Variants in HTR7 observed in about 807,000 individuals in gnomAD.
HTR7 encodes 5-hydroxytryptamine receptor 7.
A neutral mutation model predicts 34.0 loss-of-function variants in HTR7; 16 were observed. The observed-to-expected ratio is 0.47, with a 90% CI of 0.32 to 0.71. HTR7 has a LOEUF of 0.71. Among genes scored for constraint, HTR7 ranks in the 30% least tolerant of loss-of-function variants. HTR7 has a pLI of 0.04. For missense variants in HTR7, 504 were observed against 625.5 expected (o/e 0.81, Z 2.07); for synonymous variants, 265 against 260.2 (o/e 1.02, Z -0.18).
At chr10:90,775,771 C>T (rs769565150) in intron 1 of HTR7, among the ~76,000 whole-genome samples, 2 of 152,142 alleles carry the variant, frequency 1.3e-5, no homozygotes, top group Non-Finnish European at 2.9e-5. Context: ...AATTTTTCTT[C>T]AGTTACAAGA....
intron 1 of HTR7, among the ~76,000 whole-genome samples, chr10:90,762,616 T>C (rs1310415254): frequency 6.6e-6 from 1 of 152,214 alleles, no homozygotes; most frequent in Non-Finnish European, 1.5e-5. Flanking sequence ...TTTCCTTTTA[T>C]GTGAAGAAGG....
intron 2 of HTR7, chr10:90,744,003 A>G: frequency 2.0e-6 from 1 of 501,206 alleles, no homozygotes; most frequent in Non-Finnish European, 3.9e-6. Context: ...GAACAGTCTT[A>G]CAGGTTTGTA....
At chr10:90,818,135 A>G (rs1845924486) in intron 1 of HTR7, among the ~76,000 whole-genome samples, 2 of 152,196 alleles carry the variant, frequency 1.3e-5, no homozygotes, top group Admixed American at 6.5e-5. Flanking sequence ...TTAATCCCCA[A>G]CGCAACCATG....
chr10:90,843,413 G>A (rs761707586), intron 1 of HTR7, among the ~76,000 whole-genome samples: 4 of 152,178 alleles, frequency 2.6e-5, no homozygotes, highest in African/African-American at 4.8e-5. Context: ...AAAGTGCAAG[G>A]TGTTAAAAGA....
Position 90,742,541 on chromosome 10 carries a change from G to T in HTR7, c.1394-13C>A. ...GTCAGCATTTTGTCTAAAAAAAAGA[G>T]AGAGAAAAATAGAAAATAATTTAGT... On this transcript the variant is annotated splice_polypyrimidine_tract_variant and intron_variant, in intron 3 of 3. Coordinates refer to ENST00000336152, the MANE Select transcript of HTR7 (RefSeq NM_019859.4). The T allele has an allele frequency of 1.3e-6, 2 of 1,556,502 alleles. No individual in the cohort carries two copies. Among genetic ancestry groups the T allele is most frequent in the South Asian group, 1.1e-5 (1 of 88,784 alleles).
intron 1 of HTR7, among the ~76,000 whole-genome samples, chr10:90,751,161 T>C (rs1237085071): frequency 6.6e-6 from 1 of 152,026 alleles, no homozygotes; most frequent in Admixed American, 6.5e-5. Context: ...ATTTATCAGC[T>C]GTAGTTAGGA....
At chr10:90,809,764 G>C (rs1015988372) in intron 1 of HTR7, among the ~76,000 whole-genome samples, 1 of 152,182 alleles carries the variant, frequency 6.6e-6, no homozygotes, top group East Asian at 1.9e-4. Flanking sequence ...CCTAAGTCAC[G>C]TCCCATCTGT....
intron 1 of HTR7, among the ~76,000 whole-genome samples, chr10:90,834,577 A>C (rs1564698330): frequency 6.6e-6 from 1 of 152,176 alleles, no homozygotes; most frequent in Admixed American, 6.5e-5. Flanking sequence ...TGGTCAGGTG[A>C]TAGATCTGCT....
intron 1 of HTR7, among the ~76,000 whole-genome samples, chr10:90,784,576 C>T (rs1161068735): frequency 6.6e-6 from 1 of 152,080 alleles, no homozygotes; most frequent in African/African-American, 2.4e-5. Context: ...AAAACATTCA[C>T]CCAATATTAT....
chr10:90,854,322 C>T lies in HTR7; in HGVS notation c.539+2811G>A, dbSNP rs554703399. 2.6e-3 allele frequency among the ~76,000 whole-genome samples: 391 copies of T among 152,234 alleles called. 2 individuals carry two copies. The highest frequency in any genetic ancestry group is 2.3e-3 in the Non-Finnish European group (156 of 68,004). On this transcript the variant is annotated intron_variant, in intron 1 of 3. Coordinates refer to ENST00000336152, the MANE Select transcript of HTR7 (RefSeq NM_019859.4). The stretch of plus-strand genomic sequence containing the variant: ...TGAGCAGAGATGGCACCACTGCACT[C>T]CAGCCTGGGTAACAGAGTGAGATTC...
At chr10:90,806,724 G>A (rs1845712660) in intron 1 of HTR7, among the ~76,000 whole-genome samples, 1 of 152,164 alleles carries the variant, frequency 6.6e-6, no homozygotes. Context: ...AGATACATGA[G>A]GAAATGCAAA....
intron 1 of HTR7, among the ~76,000 whole-genome samples, chr10:90,843,240 C>T (rs1846357882): frequency 6.6e-6 from 1 of 152,070 alleles, no homozygotes. Context: ...TAACTGAACA[C>T]CTACCAAGTA....
chr10:90,761,576 G>T (rs1844935643), intron 1 of HTR7, among the ~76,000 whole-genome samples: 1 of 151,432 alleles, frequency 6.6e-6, no homozygotes, highest in Non-Finnish European at 1.5e-5. Context: ...ACATAGATGT[G>T]TTACTATGTG....
At chr10:90,791,135 A>C (rs1845453792) in intron 1 of HTR7, among the ~76,000 whole-genome samples, 1 of 152,036 alleles carries the variant, frequency 6.6e-6, no homozygotes, top group African/African-American at 2.4e-5. Flanking sequence ...TATTGTGAGA[A>C]ATTACCATGG....
rs55832189 is a variant in HTR7, at chr10:90,742,121, C to T, written c.*361G>A. On this transcript the variant is annotated 3_prime_UTR_variant, in exon 4 of 4. Transcript: ENST00000336152. ...AATGATTCCTGCATATTCACCACAA[C>T]GCCTAGACTCAGAAGCATGGGAAGT... The T allele has an allele frequency of 5.1e-5, 9 of 175,502 alleles. No individual in the cohort carries two copies. Among genetic ancestry groups the T allele is most frequent in the Admixed American group, 1.2e-4 (2 of 16,138 alleles). The allele number at this position is 175,502 out of a possible 1,614,324, so 10.9% of individuals were successfully genotyped here.
At chr10:90,830,346 A>G (rs1846147796) in intron 1 of HTR7, among the ~76,000 whole-genome samples, 1 of 152,258 alleles carries the variant, frequency 6.6e-6, no homozygotes, top group Non-Finnish European at 1.5e-5. Flanking sequence ...CCACTTGCTT[A>G]CACAGCTTCT....
At chr10:90,779,914 C>T (rs554066192) in intron 1 of HTR7, among the ~76,000 whole-genome samples, 2 of 152,172 alleles carry the variant, frequency 1.3e-5, no homozygotes, top group South Asian at 2.1e-4. Context: ...GACACCCCAT[C>T]CCCAACCCTT....
At chr10:90,771,843 C>G (rs1418212) in intron 1 of HTR7, among the ~76,000 whole-genome samples, 93,547 of 151,996 alleles carry the variant, frequency 0.62, 30,483 homozygotes, top group African/African-American at 0.85. Context: ...CTCAGGCAAA[C>G]GCACCACCAG....
chr10:90,767,326 T>C (rs1845040490), intron 1 of HTR7, among the ~76,000 whole-genome samples: 1 of 152,266 alleles, frequency 6.6e-6, no homozygotes, highest in Admixed American at 6.5e-5. Context: ...TCCTTCTTTA[T>C]ATAAATCTCT....
Sources: allele counts gnomAD v4.1 joint callset (sites outside exome capture counted in the v4.1 genomes callset), GRCh38; gene constraint gnomAD v4.1.1; transcripts MANE v1.5; gene names NCBI Gene and HGNC (gene_info 2026-07-23, HGNC 2026-07-21).